The following TIAM1 variants were observed in gnomAD, a reference collection of about 807,000 sequenced individuals.
TIAM1 encodes TIAM Rac1 associated GEF 1, also known as rho guanine nucleotide exchange factor TIAM1.
A neutral mutation model predicts 163.5 loss-of-function variants in TIAM1; 65 were observed. The ratio of observed to expected loss-of-function variants is 0.40; its 90% CI spans 0.33 to 0.49. The LOEUF (loss-of-function observed/expected upper bound fraction) is 0.49, where lower values mean the gene tolerates loss of function less well. Ranked by LOEUF, TIAM1 falls within the 20% of genes least tolerant of loss-of-function variation. The pLI is 0.77. For synonymous variants in TIAM1, 833 were observed against 810.1 expected, an observed-to-expected ratio of 1.03 and a Z score of -0.48; for missense variants, 1,789 against 2,044.7, an observed-to-expected ratio of 0.87 and a Z score of 2.41.
chr21:31,153,213 G>A (rs1206469824), intron 17 of TIAM1, 79 bp from the exon 18 acceptor site: 7 of 1,190,148 alleles, frequency 5.9e-6, no homozygotes, highest in Non-Finnish European at 7.2e-6. Context: ...TAAAGCATAT[G>A]TTAATGTCTA....
intron 1 of TIAM1, among the ~76,000 whole-genome samples, chr21:31,525,426 G>T (rs144646979): frequency 6.6e-6 from 1 of 151,170 alleles, no homozygotes; most frequent in Non-Finnish European, 1.5e-5. Flanking sequence ...CTCGCTCCTT[G>T]TGAGAATGGC....
intron 2 of TIAM1, among the ~76,000 whole-genome samples, chr21:31,379,378 T>G (rs2076740371): frequency 6.6e-6 from 1 of 152,154 alleles, no homozygotes; most frequent in Admixed American, 6.5e-5. Context: ...GACTATACAG[T>G]GACATTAATG....
chr21:31,318,188 C>T (rs2075192906), intron 2 of TIAM1, among the ~76,000 whole-genome samples: 1 of 152,194 alleles, frequency 6.6e-6, no homozygotes, highest in African/African-American at 2.4e-5. Flanking sequence ...ACTTCTGCCT[C>T]CCAGGCTCAA....
At chr21:31,288,752 A>G (rs1374874843) in intron 2 of TIAM1, among the ~76,000 whole-genome samples, 1 of 152,198 alleles carries the variant, frequency 6.6e-6, no homozygotes, top group Non-Finnish European at 1.5e-5. Flanking sequence ...CTAATTATCC[A>G]TGAGAGGCCA....
At chr21:31,143,564 A>G (rs1402852100) in intron 20 of TIAM1, among the ~76,000 whole-genome samples, 1 of 151,778 alleles carries the variant, frequency 6.6e-6, no homozygotes, top group Non-Finnish European at 1.5e-5. Flanking sequence ...AAATACAAAA[A>G]TTTAAAAGTT....
intron 2 of TIAM1, among the ~76,000 whole-genome samples, chr21:31,355,111 G>A (rs548527501): frequency 4.6e-5 from 7 of 151,390 alleles, no homozygotes; most frequent in Admixed American, 6.6e-5. Context: ...TAGTCAGGTC[G>A]GCTGGGTCTG....
At chr21:31,368,777 C>T (rs904515400) in intron 2 of TIAM1, among the ~76,000 whole-genome samples, 1 of 152,096 alleles carries the variant, frequency 6.6e-6, no homozygotes, top group African/African-American at 2.4e-5. Context: ...TATGGCAAAA[C>T]TGGTAAAATA....
chr21:31,415,600 A>T (rs763123923), intron 2 of TIAM1, among the ~76,000 whole-genome samples: 1 of 152,186 alleles, frequency 6.6e-6, no homozygotes, highest in Non-Finnish European at 1.5e-5. Context: ...CTCTGTCGCC[A>T]CAATTTTTCT....
chr21:31,298,822 GAGAA>G (rs1318331413), intron 2 of TIAM1, among the ~76,000 whole-genome samples: 28 of 136,710 alleles, frequency 2.0e-4, no homozygotes, highest in African/African-American at 8.0e-4. Context: ...GAGAGAGAGA[GAGAA>G]AAACAGATGG....
chr21:31,468,040 C>G (rs1441502437), intron 1 of TIAM1, among the ~76,000 whole-genome samples: 3 of 148,128 alleles, frequency 2.0e-5, no homozygotes, highest in Non-Finnish European at 4.5e-5. Flanking sequence ...GAGCCAGGAT[C>G]ATCACACCAT....
In TIAM1 at chr21:31,146,880, C is replaced by A. The variant is rs1469664751; in HGVS notation, c.3475+15G>T. The A allele has an allele frequency of 6.2e-7, 1 of 1,609,448 alleles. No homozygotes were observed. On this transcript the variant is annotated intron_variant, in intron 20 of 27. Transcript: ENST00000541036. ...AAGCAACACACCCCCACCTCCACAT[C>A]CTCAGAGGCCTTACCTTTCACCAGG...
At chr21:31,182,724 G>T in intron 14 of TIAM1, 79 bp from the exon 15 acceptor site, 1 of 1,421,492 alleles carries the variant, frequency 7.0e-7, no homozygotes, top group Non-Finnish European at 9.5e-7. Flanking sequence ...GCTATAAAGG[G>T]CACACCTGCT....
intron 2 of TIAM1, among the ~76,000 whole-genome samples, chr21:31,320,872 A>T (rs933284689): frequency 3.9e-5 from 6 of 152,148 alleles, no homozygotes; most frequent in African/African-American, 1.4e-4. Context: ...CACACCTGTA[A>T]TCCCAGCTAC....
chr21:31,558,300 C>T (rs2048962585), intron 1 of TIAM1, among the ~76,000 whole-genome samples: 1 of 152,106 alleles, frequency 6.6e-6, no homozygotes, highest in East Asian at 2.0e-4. Context: ...GTCTGCGCAC[C>T]CGCAGGATTC....
chr21:31,189,980 C>A (rs2085476059), intron 13 of TIAM1, among the ~76,000 whole-genome samples: 1 of 152,094 alleles, frequency 6.6e-6, no homozygotes, highest in South Asian at 2.1e-4. Flanking sequence ...CAACAGGGGG[C>A]AGAGGGAAAT....
Position 31,152,663 on chromosome 21 carries a change from T to C in TIAM1, c.3339A>G (p.Glu1113=). 6.2e-7 allele frequency: 1 copy of C among 1,614,184 alleles called. No homozygotes were observed. Among genetic ancestry groups the C allele is most frequent in the Non-Finnish European group, 8.5e-7 (1 of 1,180,032 alleles). The change falls in exon 19 of 28, where the codon GAA becomes GAG. Residue 1113 remains glutamate, a synonymous_variant. Coordinates refer to ENST00000541036, the MANE Select transcript of TIAM1 (RefSeq NM_001353694.2). ...EDGVRLVPDL[E]KLEKVDQFKK... Reference sequence around the variant, plus strand: ...TAAATTGATCAACCTTCTCAAGCTTTTCCAAATCAGGTACCAGTCTCACTC... The same window carrying C: ...TAAATTGATCAACCTTCTCAAGCTTCTCCAAATCAGGTACCAGTCTCACTC...
At chr21:31,370,445 T>C (rs2076576964) in intron 2 of TIAM1, among the ~76,000 whole-genome samples, 1 of 152,170 alleles carries the variant, frequency 6.6e-6, no homozygotes, top group Non-Finnish European at 1.5e-5. Flanking sequence ...GTGATTCATA[T>C]ACAGACAACC....
rs1382241913 is a variant in TIAM1, at chr21:31,127,122, A to T, written c.4076T>A (p.Val1359Asp). Residue 1359 changes from valine (V) to aspartate (D), a missense_variant, in exon 26 of 28, where the codon GTC (valine) becomes GAC (aspartate). Physicochemically the swap from Val to Asp is radical, Grantham distance 152. Transcript: ENST00000541036. Reference sequence around the variant, plus strand: ...CCCTTCAGACTCGGATTTTACATGGACAATTTCACACACGGCATTTGCCTC... The same window carrying T: ...CCCTTCAGACTCGGATTTTACATGGTCAATTTCACACACGGCATTTGCCTC... ...DAEANAVCEI[V>D]HVKSESEGRP... The T allele has an allele frequency of 6.2e-7, 1 of 1,613,944 alleles. No individual in the cohort carries two copies. The highest frequency in any genetic ancestry group is 1.3e-5 in the African/African-American group (1 of 74,946).
intron 20 of TIAM1, among the ~76,000 whole-genome samples, chr21:31,143,020 G>A (rs1601258379): frequency 1.3e-5 from 2 of 152,158 alleles, no homozygotes; most frequent in Non-Finnish European, 2.9e-5. Context: ...TCCAAGCAAC[G>A]TAACAGTGGA....
Sources: allele counts gnomAD v4.1 joint callset (sites outside exome capture counted in the v4.1 genomes callset), GRCh38; gene constraint gnomAD v4.1.1; transcripts MANE v1.5; gene names NCBI Gene and HGNC (gene_info 2026-07-23, HGNC 2026-07-21).